Variants in EPS8 observed in about 807,000 individuals in gnomAD.
EPS8 encodes EGFR pathway substrate 8, signaling adaptor.
In EPS8, 42 loss-of-function variants were observed where a neutral mutation model predicts 103.8. The observed-to-expected ratio is 0.40, with a 90% CI of 0.32 to 0.52. The LOEUF (loss-of-function observed/expected upper bound fraction) is 0.52. EPS8 is among the 20% of genes least tolerant of loss of function. EPS8 has a pLI of 0.40. For missense variants in EPS8, 969 were observed against 1,005.1 expected, an observed-to-expected ratio of 0.96 and a Z score of 0.49; for synonymous variants, 344 against 344.6, an observed-to-expected ratio of 1.00 and a Z score of 0.02.
chr12:15,641,355 G>A (rs1444130068), intron 16 of EPS8, among the ~76,000 whole-genome samples: 1 of 81,376 alleles, frequency 1.2e-5, no homozygotes, highest in Non-Finnish European at 2.4e-5. Context: ...TCTGTGCAAG[G>A]ATATAGGATT....
intron 1 of EPS8, among the ~76,000 whole-genome samples, chr12:15,710,728 T>TA (rs537385281): frequency 2.0e-5 from 3 of 151,660 alleles, no homozygotes; most frequent in Non-Finnish European, 2.9e-5. Context: ...AAACAAACTC[T>TA]AAAAAAAAGG....
intron 1 of EPS8, among the ~76,000 whole-genome samples, chr12:15,710,441 T>A (rs546089897): frequency 1.3e-5 from 2 of 152,226 alleles, no homozygotes; most frequent in African/African-American, 2.4e-5. Flanking sequence ...TAAGACAAGC[T>A]TAAGAAACTC....
chr12:15,753,193 C>T (rs938678551), intron 1 of EPS8, among the ~76,000 whole-genome samples: 2 of 151,978 alleles, frequency 1.3e-5, no homozygotes, highest in African/African-American at 4.8e-5. Flanking sequence ...TATGTGTCTC[C>T]GAAACATTAT....
rs537240309 is a variant in EPS8 at position 15,765,937 on chromosome 12, C to T, written c.-22+23224G>A. 4.0e-5 allele frequency among the ~76,000 whole-genome samples: 6 copies of T among 151,600 alleles called. No individual in the cohort carries two copies. The South Asian group carries it at 1.3e-3, about 32-fold the overall frequency. ...CAAGCGATTCTCCTGCCTCAGCCTC[C>T]TGAGTAGCTGGGATTACAGGCGCGT... On this transcript the variant is annotated intron_variant, in intron 1 of 20. Coordinates refer to ENST00000281172, the MANE Select transcript of EPS8 (RefSeq NM_004447.6).
intron 12 of EPS8, chr12:15,657,866 A>T (rs1945535218): frequency 6.0e-6 from 3 of 497,996 alleles, no homozygotes; most frequent in Non-Finnish European, 1.1e-5. Flanking sequence ...CAGAGATACC[A>T]GTTTCCTCAA....
chr12:15,736,765 C>G lies in EPS8; in HGVS notation c.-22+52396G>C, dbSNP rs11056617. On this transcript the variant is annotated intron_variant, in intron 1 of 20. Transcript: ENST00000281172. This position sits in a 1 kb window ranked among gnomAD's most constrained non-coding sequence, Gnocchi z 4.2. The stretch of plus-strand genomic sequence containing the variant: ...AAAGAAAAAATGCATAAGGCATCCT[C>G]AGAGTATGTGATATAGAACCATACA... Among the ~76,000 whole-genome samples, 165 of 152,204 alleles carry G rather than the reference C, an allele frequency of 1.1e-3. 2 individuals are homozygous for G. In the East Asian group the frequency reaches 0.031, roughly 28 times the overall value.
At position 15,769,979 on chromosome 12, in the gene EPS8, T is replaced by C; in HGVS notation, c.-22+19182A>G. On this transcript the variant is annotated intron_variant, in intron 1 of 20. Coordinates refer to ENST00000281172, the MANE Select transcript of EPS8 (RefSeq NM_004447.6). The surrounding 1 kb of genome is among the most constrained non-coding windows in gnomAD (Gnocchi z 4.6). ...TTTTTTGAGACTAGGGTCTCGCTCT[T>C]TCACCCATGCTGCAGTGTAGTGGCA... Among the ~76,000 whole-genome samples the C allele has an allele frequency of 6.6e-6, 1 of 151,424 alleles. No homozygotes were observed. The highest frequency in any genetic ancestry group is 1.9e-4 in the East Asian group (1 of 5,146).
At chr12:15,639,551 T>C (rs566136629) in intron 17 of EPS8, among the ~76,000 whole-genome samples, 1 of 152,260 alleles carries the variant, frequency 6.6e-6, no homozygotes, top group East Asian at 1.9e-4. Flanking sequence ...TAATTTCCAT[T>C]GCCATCACTT....
At chr12:15,703,854 T>TTTG (rs1555119080) in intron 1 of EPS8, among the ~76,000 whole-genome samples, 1 of 145,074 alleles carries the variant, frequency 6.9e-6, no homozygotes, top group African/African-American at 2.6e-5. Context: ...TTTGTTTTTT[T>TTTG]TTTTTTTTTT....
chr12:15,673,585 T>G (rs1333267097), intron 3 of EPS8, among the ~76,000 whole-genome samples: 1 of 152,160 alleles, frequency 6.6e-6, no homozygotes, highest in Non-Finnish European at 1.5e-5. Flanking sequence ...AATTCACCAC[T>G]TTTGCTAACA....
chr12:15,673,768 T>C (rs574242549), intron 3 of EPS8, among the ~76,000 whole-genome samples: 1 of 152,332 alleles, frequency 6.6e-6, no homozygotes, highest in Admixed American at 6.5e-5. Context: ...CAGTAGGGTT[T>C]TAGGTTTCTA....
In EPS8 at chr12:15,642,482, T is replaced by TA. The variant is rs1945250091; in HGVS notation, c.1569-653dup. 2.6e-5 allele frequency among the ~76,000 whole-genome samples: 4 copies of TA among 152,112 alleles called. No homozygotes were observed. In the South Asian group the frequency reaches 8.3e-4, roughly 32 times the overall value. ...TCATTTTTTTAAAATAAAACTTCCT[T>TA]AAAAAACCAAATACCTCTTCTAATC... is the stretch of plus-strand genomic sequence containing the variant. On this transcript the variant is annotated intron_variant, in intron 15 of 20. Transcript: ENST00000281172.
In EPS8 at chr12:15,778,272, C is replaced by G. The variant is rs1188482689; in HGVS notation, c.-22+10889G>C. Among the ~76,000 whole-genome samples, 1 of 152,192 alleles carries G rather than the reference C, an allele frequency of 6.6e-6. No individual in the cohort carries two copies. The highest frequency in any genetic ancestry group is 2.4e-5 in the African/African-American group (1 of 41,448). On this transcript the variant is annotated intron_variant, in intron 1 of 20. Transcript: ENST00000281172. The surrounding 1 kb of genome is among the most constrained non-coding windows in gnomAD (Gnocchi z 4.5). ...TAAAAACACTCTGACACACACTCTT[C>G]AGGCATACGCATTAATCCCACACCT...
intron 1 of EPS8, among the ~76,000 whole-genome samples, chr12:15,691,495 T>C (rs545450175): frequency 6.6e-6 from 1 of 152,188 alleles, no homozygotes; most frequent in East Asian, 1.9e-4. Context: ...AGAAAGACAG[T>C]ATGCAAGGCC....
Position 15,684,638 on chromosome 12 carries a change from G to C in EPS8, c.-21-1666C>G, listed in dbSNP as rs1946065599. Reference sequence around the variant, plus strand: ...AAGGAATTAAGTCCCAACATATGTAGCTCTATTTTAAATCTGCTAGAAGTT... The same window carrying C: ...AAGGAATTAAGTCCCAACATATGTACCTCTATTTTAAATCTGCTAGAAGTT... On this transcript the variant is annotated intron_variant, in intron 1 of 20. Coordinates refer to ENST00000281172, the MANE Select transcript of EPS8 (RefSeq NM_004447.6). The surrounding 1 kb of genome is among the most constrained non-coding windows in gnomAD (Gnocchi z 4.9). Among the ~76,000 whole-genome samples the C allele has an allele frequency of 6.6e-6, 1 of 152,130 alleles. No individual in the cohort carries two copies. Among genetic ancestry groups the C allele is most frequent in the Non-Finnish European group, 1.5e-5 (1 of 68,012 alleles).
At chr12:15,651,101 C>T (rs1251698513) in intron 13 of EPS8, 95 bp from the exon 14 acceptor site, 6 of 949,178 alleles carry the variant, frequency 6.3e-6, no homozygotes, top group Non-Finnish European at 8.0e-6. Flanking sequence ...CACACGCACA[C>T]ACACATAAAT....
Position 15,747,736 on chromosome 12 carries a change from AAT to A in EPS8, c.-22+41423_-22+41424del, listed in dbSNP as rs572743037. Among the ~76,000 whole-genome samples the A allele has an allele frequency of 1.4e-3, 218 of 152,272 alleles. 3 individuals carry two copies. Among genetic ancestry groups the A allele is most frequent in the African/African-American group, 5.2e-3 (214 of 41,544 alleles). On this transcript the variant is annotated intron_variant, in intron 1 of 20. Transcript: ENST00000281172. The surrounding 1 kb of genome is among the most constrained non-coding windows in gnomAD (Gnocchi z 4.4). ...ACAAATACTCCAATTTAAGAAAAAAAATAGCCAGGCGCAGTGGCTCACGCCTG... is the reference window on the plus strand; with the variant it reads ...ACAAATACTCCAATTTAAGAAAAAAAAGCCAGGCGCAGTGGCTCACGCCTG...
rs565043085 is a variant in EPS8, at chr12:15,769,190, T to C, written c.-22+19971A>G. 6.6e-6 allele frequency among the ~76,000 whole-genome samples: 1 copy of C among 152,282 alleles called. No individual in the cohort carries two copies. Among genetic ancestry groups the C allele is most frequent in the East Asian group, 1.9e-4 (1 of 5,184 alleles). On this transcript the variant is annotated intron_variant, in intron 1 of 20. Transcript: ENST00000281172. The surrounding 1 kb of genome is among the most constrained non-coding windows in gnomAD (Gnocchi z 4.6). ...CTGAAAGAAAAAAACAGGAGTTCTC[T>C]GTCTATAGAATAATGTTGGCAAAAT...
Position 15,623,138 on chromosome 12 carries a change from C to G in EPS8, c.2355+20G>C. ...CTTTCAATTTGCAGAAAAACACCAC[C>G]TTAGGTTGACAAGTCATACCTCCAA... On this transcript the variant is annotated intron_variant, in intron 20 of 20. Transcript: ENST00000281172. 1 of 1,594,022 alleles carries G rather than the reference C, an allele frequency of 6.3e-7. No individual in the cohort carries two copies.
Sources: gnomAD v4.1 joint callset for allele counts (sites outside exome capture counted in the v4.1 genomes callset) on GRCh38, gnomAD v4.1.1 for gene constraint, Gnocchi (gnomAD v3.1) non-coding constraint, MANE v1.5 for transcripts, NCBI Gene and HGNC (gene_info 2026-07-23, HGNC 2026-07-21) for gene names.